NMBR: variants seen among roughly 807,000 people sequenced by gnomAD.
NMBR encodes the protein neuromedin-B receptor.
In NMBR, 16 loss-of-function variants were observed where a neutral mutation model predicts 20.5. That is an observed-to-expected ratio of 0.78 (90% CI 0.53 to 1.19). The LOEUF is 1.19. Among genes scored for constraint, NMBR ranks in the 50% most tolerant of loss-of-function variants. The pLI is 0.00. For synonymous variants in NMBR, 212 were observed against 196.6 expected (o/e 1.08, Z -0.65); for missense variants, 582 against 499.1 (o/e 1.17, Z -1.58).
At chr6:142,099,871 A>G (rs1582846739) in intron 1 of NMBR, among the ~76,000 whole-genome samples, 4 of 152,192 alleles carry the variant, frequency 2.6e-5, no homozygotes, top group Admixed American at 2.6e-4. Flanking sequence ...TTCATCAGTA[A>G]AAAAATAAAA....
At position 142,075,910 on chromosome 6, in the gene NMBR, A is replaced by G. The variant is rs375137066; in HGVS notation, c.911T>C (p.Ile304Thr). Residue 304 changes from isoleucine to threonine, a missense_variant, in exon 4 of 4, where the codon ATT becomes ACT. Ile to Thr is a moderately conservative substitution (Grantham distance 89). Coordinates refer to ENST00000258042, the MANE Select transcript of NMBR (RefSeq NM_002511.4). ...NEIDPSLGHM[I>T]VTLVARVLSF... Reference sequence around the variant, plus strand: ...GAGAACCCGGGCAACTAAGGTGACAATCATGTGGCCTAGAGATGGATCAAT... The same window carrying G: ...GAGAACCCGGGCAACTAAGGTGACAGTCATGTGGCCTAGAGATGGATCAAT... The G allele has an allele frequency of 1.1e-5, 18 of 1,614,134 alleles. No homozygotes were observed. Among genetic ancestry groups the G allele is most frequent in the Non-Finnish European group, 1.5e-5 (18 of 1,179,980 alleles).
chr6:142,095,164 C>T (rs946089496), intron 1 of NMBR, among the ~76,000 whole-genome samples: 39 of 152,010 alleles, frequency 2.6e-4, no homozygotes, highest in Non-Finnish European at 3.1e-4. Flanking sequence ...TGCCTAATTG[C>T]CCTGGCCAGA....
Position 142,079,150 on chromosome 6 carries a change from G to GAAAGAAAGAAAGAAAGAAAGAAAGAAAA in NMBR, c.423-248_423-247insTTTTCTTTCTTTCTTTCTTTCTTTCTTT, listed in dbSNP as rs1562390303. On this transcript the variant is annotated intron_variant, in intron 2 of 3. Transcript: ENST00000258042. ...AGAAGAAAGAAAGAAAGAAAAAGAA[G>GAAAGAAAGAAAGAAAGAAAGAAAGAAAA]AGAGGAGAGGAGAGGAAAGGAAAGG... Among the ~76,000 whole-genome samples the GAAAGAAAGAAAGAAAGAAAGAAAGAAAA allele has an allele frequency of 9.6e-4, 74 of 76,988 alleles. 1 individual carries two copies. The highest frequency in any genetic ancestry group is 5.3e-3 in the African/African-American group (72 of 13,580). The allele number at this position is 76,988 out of a possible 152,430, so 50.5% of individuals were successfully genotyped here.
At chr6:142,080,386 C>A (rs1777071067) in intron 2 of NMBR, among the ~76,000 whole-genome samples, 2 of 148,054 alleles carry the variant, frequency 1.4e-5, no homozygotes, top group Non-Finnish European at 3.0e-5. Context: ...TCACAGCTCA[C>A]TGCAATCTCC....
chr6:142,104,543 A>T (rs987271673), intron 1 of NMBR, among the ~76,000 whole-genome samples: 1 of 152,198 alleles, frequency 6.6e-6, no homozygotes, highest in Non-Finnish European at 1.5e-5. Context: ...AAGTATTAAA[A>T]CACTTGACCA....
intron 1 of NMBR, among the ~76,000 whole-genome samples, chr6:142,092,688 G>C (rs540411543): frequency 6.6e-5 from 10 of 152,144 alleles, no homozygotes; most frequent in Non-Finnish European, 1.5e-4. Context: ...ACTGCCTAGA[G>C]AAAGAGTTTT....
chr6:142,085,930 A>C (rs1777189936), intron 2 of NMBR, among the ~76,000 whole-genome samples: 3 of 151,790 alleles, frequency 2.0e-5, no homozygotes, highest in African/African-American at 7.2e-5. Context: ...ACTACTACTT[A>C]AAATTGAATT....
At position 142,076,578 on chromosome 6, in the gene NMBR, G is replaced by A. The variant is rs553107991; in HGVS notation, c.772-529C>T. 1.5e-3 allele frequency among the ~76,000 whole-genome samples: 231 copies of A among 152,222 alleles called. 2 individuals are homozygous for A. Among genetic ancestry groups the A allele is most frequent in the South Asian group, 0.015 (73 of 4,828 alleles). ...CAAATCAAAAGCATCTGATATAACC[G>A]TGAATCCTGTAAACATTATTATATT... On this transcript the variant is annotated intron_variant, in intron 3 of 3. Coordinates refer to ENST00000258042, the MANE Select transcript of NMBR (RefSeq NM_002511.4).
chr6:142,095,017 T>C (rs936024754), intron 1 of NMBR, among the ~76,000 whole-genome samples: 3 of 152,324 alleles, frequency 2.0e-5, no homozygotes, highest in Middle Eastern at 3.4e-3. Flanking sequence ...CCTGAGAATT[T>C]GCTGGAGTTG....
chr6:142,075,703 A>G lies in NMBR; in HGVS notation c.1118T>C (p.Val373Ala), dbSNP rs766177425. Residue 373 changes from valine (V) to alanine (A), a missense_variant, in exon 4 of 4, where the codon GTG (valine) becomes GCG (alanine). Transcript: ENST00000258042. ...TSLKSNAKNM[V>A]TNSVLLNGHS... The stretch of plus-strand genomic sequence containing the variant: ...CCCATTTAGTAAAACAGAATTGGTC[A>G]CCATGTTCTTAGCATTGCTTTTCAG... The G allele has an allele frequency of 1.9e-6, 3 of 1,613,746 alleles. No homozygotes were observed. The highest frequency in any genetic ancestry group is 2.2e-5 in the South Asian group (2 of 91,026).
intron 2 of NMBR, among the ~76,000 whole-genome samples, chr6:142,088,009 GT>G (rs200344526): frequency 5.8e-4 from 88 of 151,956 alleles, no homozygotes; most frequent in African/African-American, 2.0e-3. Flanking sequence ...AATTTTAATT[GT>G]TTTTTTTAAA....
intron 1 of NMBR, among the ~76,000 whole-genome samples, chr6:142,145,234 G>C (rs1001738683): frequency 6.6e-6 from 1 of 151,936 alleles, no homozygotes; most frequent in Non-Finnish European, 1.5e-5. Context: ...ACTTCTGAAG[G>C]GGGAGATCAG....
intron 1 of NMBR, among the ~76,000 whole-genome samples, chr6:142,119,766 C>T (rs1157053519): frequency 6.6e-6 from 1 of 151,736 alleles, no homozygotes; most frequent in African/African-American, 2.4e-5. Context: ...AAGTCATAGA[C>T]CTTGAAACAA....
At chr6:142,080,608 C>T (rs2114557335) in intron 2 of NMBR, among the ~76,000 whole-genome samples, 1 of 152,178 alleles carries the variant, frequency 6.6e-6, no homozygotes, top group East Asian at 1.9e-4. Flanking sequence ...CTACTGCAGC[C>T]AGCTCTTGCT....
chr6:142,100,014 C>T (rs79613555), intron 1 of NMBR, among the ~76,000 whole-genome samples: 1,591 of 152,162 alleles, frequency 0.01, 23 homozygotes, highest in African/African-American at 0.035. Flanking sequence ...ACAAGATACC[C>T]CTATACATTT....
chr6:142,082,981 C>G (rs925128190), intron 2 of NMBR, among the ~76,000 whole-genome samples: 55 of 151,992 alleles, frequency 3.6e-4, no homozygotes, highest in African/African-American at 1.2e-3. Context: ...TAGTGTGTCC[C>G]AAAAGTTTCA....
At chr6:142,099,295 T>C (rs1331527188) in intron 1 of NMBR, among the ~76,000 whole-genome samples, 1 of 152,128 alleles carries the variant, frequency 6.6e-6, no homozygotes, top group African/African-American at 2.4e-5. Flanking sequence ...GACTGGGTAA[T>C]TTATAAAGAA....
intron 1 of NMBR, among the ~76,000 whole-genome samples, chr6:142,098,925 T>C (rs1482111314): frequency 1.3e-5 from 2 of 152,056 alleles, no homozygotes; most frequent in Non-Finnish European, 2.9e-5. Flanking sequence ...GCTACAGTAA[T>C]CAAAACAGTA....
intron 1 of NMBR, among the ~76,000 whole-genome samples, chr6:142,107,073 G>A (rs533546859): frequency 6.6e-6 from 1 of 152,216 alleles, no homozygotes; most frequent in Non-Finnish European, 1.5e-5. Context: ...ACGAGTTCAG[G>A]GCAGAGCTCA....
Sources: allele counts gnomAD v4.1 joint callset (sites outside exome capture counted in the v4.1 genomes callset), GRCh38; gene constraint gnomAD v4.1.1; transcripts MANE v1.5; gene names NCBI Gene and HGNC (gene_info 2026-07-23, HGNC 2026-07-21).